Variants in MEMO1 observed in about 807,000 individuals in gnomAD.
The protein encoded by MEMO1 is protein MEMO1.
In MEMO1, 6 loss-of-function variants were observed where a neutral mutation model predicts 45.2. That is an observed-to-expected ratio of 0.13 (90% confidence interval 0.07 to 0.26). MEMO1 has a LOEUF of 0.26. Ranked by LOEUF, MEMO1 falls within the 10% of genes least tolerant of loss-of-function variation. MEMO1 has a pLI of 1.00. For missense variants in MEMO1, 184 were observed against 370.5 expected, an observed-to-expected ratio of 0.50 and a Z score of 4.13; for synonymous variants, 78 against 124.3, an observed-to-expected ratio of 0.63 and a Z score of 2.48.
At chr2:31,937,208 G>A (rs929795185) in intron 3 of MEMO1, among the ~76,000 whole-genome samples, 16 of 152,074 alleles carry the variant, frequency 1.1e-4, no homozygotes, top group Admixed American at 6.5e-5. Context: ...GTAGATAATT[G>A]TGCCCAAAAA....
chr2:31,989,386 T>C (rs138278215), intron 2 of MEMO1, among the ~76,000 whole-genome samples: 127 of 152,324 alleles, frequency 8.3e-4, no homozygotes, highest in African/African-American at 2.8e-3. Context: ...AAAAACACTT[T>C]TCTAAAGAGA....
intron 2 of MEMO1, among the ~76,000 whole-genome samples, chr2:32,005,903 G>C (rs1674008112): frequency 6.6e-6 from 1 of 152,276 alleles, no homozygotes; most frequent in South Asian, 2.1e-4. Context: ...ACATTGGGGA[G>C]GCAAAGCACC....
intron 2 of MEMO1, among the ~76,000 whole-genome samples, chr2:31,954,193 G>T (rs1182620186): frequency 6.6e-6 from 1 of 152,096 alleles, no homozygotes; most frequent in Non-Finnish European, 1.5e-5. Context: ...CTGCACTATG[G>T]TGTTATTTTA....
chr2:31,946,958 G>A (rs1255728904), intron 2 of MEMO1, among the ~76,000 whole-genome samples: 4 of 152,158 alleles, frequency 2.6e-5, no homozygotes. Flanking sequence ...GTAACATGCT[G>A]TATAGGTCTG....
intron 2 of MEMO1, among the ~76,000 whole-genome samples, chr2:31,961,455 T>G (rs1326397966): frequency 1.3e-5 from 2 of 151,936 alleles, no homozygotes; most frequent in African/African-American, 4.8e-5. Flanking sequence ...GGCACACTAC[T>G]GGGTTCTTTA....
chr2:31,957,257 G>A (rs954349721), intron 2 of MEMO1, among the ~76,000 whole-genome samples: 2 of 151,718 alleles, frequency 1.3e-5, no homozygotes, highest in African/African-American at 2.4e-5. Context: ...TTTACACTAC[G>A]TACATGTATT....
At chr2:31,943,038 G>C (rs1193136625) in intron 3 of MEMO1, among the ~76,000 whole-genome samples, 1 of 152,164 alleles carries the variant, frequency 6.6e-6, no homozygotes, top group Admixed American at 6.5e-5. Flanking sequence ...ACCGAGGCAG[G>C]TGGATCATTT....
chr2:31,882,607 A>C (rs1675575506), intron 8 of MEMO1, among the ~76,000 whole-genome samples: 1 of 152,142 alleles, frequency 6.6e-6, no homozygotes, highest in Admixed American at 6.5e-5. Context: ...AACAAAACAA[A>C]ACAAACATGC....
intron 6 of MEMO1, among the ~76,000 whole-genome samples, chr2:31,913,873 T>C (rs796068573): frequency 3.2e-4 from 48 of 152,258 alleles, no homozygotes; most frequent in African/African-American, 1.1e-3. Context: ...CCATCAAAAA[T>C]AGCATCCCTA....
At chr2:31,955,736 G>A (rs1210102461) in intron 2 of MEMO1, among the ~76,000 whole-genome samples, 3 of 151,878 alleles carry the variant, frequency 2.0e-5, no homozygotes, top group Non-Finnish European at 1.5e-5. Flanking sequence ...AGCCTCCCCA[G>A]TAGCTGAGAT....
intron 2 of MEMO1, among the ~76,000 whole-genome samples, chr2:31,988,444 GGC>G (rs1031697829): frequency 1.3e-5 from 2 of 152,184 alleles, no homozygotes; most frequent in Non-Finnish European, 2.9e-5. Context: ...CTACTCAGGA[GGC>G]TGAGGCGGGA....
chr2:31,969,088 A>G (rs1003559132), intron 2 of MEMO1, among the ~76,000 whole-genome samples: 5 of 151,776 alleles, frequency 3.3e-5, no homozygotes, highest in Non-Finnish European at 7.4e-5. Context: ...CAATTTTCCC[A>G]ATAATGTCTA....
intron 2 of MEMO1, among the ~76,000 whole-genome samples, chr2:31,957,460 A>G (rs993684682): frequency 1.3e-5 from 2 of 152,218 alleles, no homozygotes; most frequent in Non-Finnish European, 2.9e-5. Context: ...TAAAATGCAT[A>G]AAACCAAACT....
intron 2 of MEMO1, among the ~76,000 whole-genome samples, chr2:31,949,642 C>CAAA (rs549686329): frequency 0.015 from 1,587 of 108,856 alleles, 82 homozygotes; most frequent in East Asian, 0.1. Flanking sequence ...TTAATGGGTA[C>CAAA]AAAAAAAAAA....
Position 31,953,069 on chromosome 2 carries a change from C to T in MEMO1, c.62-9686G>A, listed in dbSNP as rs547248226. On this transcript the variant is annotated intron_variant, in intron 2 of 9. Coordinates refer to ENST00000404530, the MANE Select transcript of MEMO1 (RefSeq NM_001301833.4). The stretch of plus-strand genomic sequence containing the variant: ...GTATCTATACTTATAAAGCTTTTTC[C>T]ATATTTAAGATTATTTCTGGCCGGC... 2.6e-5 allele frequency among the ~76,000 whole-genome samples: 4 copies of T among 151,960 alleles called. 1 individual carries two copies. The South Asian group carries it at 8.3e-4, about 32-fold the overall frequency.
chr2:31,886,255 T>G (rs2147959157), intron 7 of MEMO1, among the ~76,000 whole-genome samples: 1 of 152,238 alleles, frequency 6.6e-6, no homozygotes, highest in East Asian at 1.9e-4. Flanking sequence ...ATATTTTAGT[T>G]GCAACAGCTC....
At chr2:31,995,567 G>A (rs1348421603) in intron 2 of MEMO1, among the ~76,000 whole-genome samples, 1 of 151,946 alleles carries the variant, frequency 6.6e-6, no homozygotes, top group Non-Finnish European at 1.5e-5. Flanking sequence ...GAAGATCACT[G>A]AACTTGAGAA....
intron 2 of MEMO1, among the ~76,000 whole-genome samples, chr2:31,991,283 C>G (rs1671910137): frequency 6.6e-6 from 1 of 152,100 alleles, no homozygotes; most frequent in South Asian, 2.1e-4. Context: ...TTTTAAAACA[C>G]AGGAATGGGC....
At chr2:31,895,654 T>C (rs2148009347) in intron 6 of MEMO1, among the ~76,000 whole-genome samples, 1 of 152,178 alleles carries the variant, frequency 6.6e-6, no homozygotes, top group Admixed American at 6.5e-5. Flanking sequence ...TAATGGGAAC[T>C]TCAGAAAGGG....
Sources: gnomAD v4.1 joint callset for allele counts (sites outside exome capture counted in the v4.1 genomes callset) on GRCh38, gnomAD v4.1.1 for gene constraint, MANE v1.5 for transcripts, NCBI Gene and HGNC (gene_info 2026-07-23, HGNC 2026-07-21) for gene names.